MARCHF6: variants seen among roughly 807,000 people sequenced by gnomAD.
The protein encoded by MARCHF6 is E3 ubiquitin-protein ligase MARCHF6.
Under a neutral mutation model 133.7 loss-of-function variants are expected in MARCHF6, and 31 were observed. The ratio of observed to expected loss-of-function variants is 0.23; its 90% CI spans 0.17 to 0.31. The LOEUF (loss-of-function observed/expected upper bound fraction) is 0.31, where lower values mean the gene tolerates loss of function less well. Among genes scored for constraint, MARCHF6 ranks in the 10% least tolerant of loss-of-function variants. The probability of loss-of-function intolerance (pLI) is 1.00; values close to 1 mark genes in which losing one functional copy is unlikely to be tolerated. For synonymous variants in MARCHF6, 395 were observed against 402.5 expected (o/e 0.98, Z 0.22); for missense variants, 723 against 1,121.6 (o/e 0.64, Z 5.08).
intron 1 of MARCHF6, among the ~76,000 whole-genome samples, chr5:10,375,420 C>T (rs891210249): frequency 2.6e-5 from 4 of 152,264 alleles, no homozygotes; most frequent in African/African-American, 4.8e-5. Context: ...ACCTGCAGCC[C>T]GCCATGCCTG....
chr5:10,403,292 T>G (rs1738658217), intron 14 of MARCHF6, 115 bp from the exon 15 acceptor site: 5 of 967,884 alleles, frequency 5.2e-6, no homozygotes, highest in Non-Finnish European at 7.7e-6. Flanking sequence ...TGAACTGCAG[T>G]TCTAGGAATT....
At chr5:10,376,579 G>C (rs1425365069) in intron 1 of MARCHF6, among the ~76,000 whole-genome samples, 7 of 152,154 alleles carry the variant, frequency 4.6e-5, no homozygotes, top group African/African-American at 7.2e-5. Context: ...CCAGTTAGGT[G>C]AGCATTCGGC....
intron 7 of MARCHF6, 41 bp from the exon 8 acceptor site, chr5:10,394,041 T>A: frequency 8.3e-7 from 1 of 1,209,652 alleles, no homozygotes. Context: ...TATTTATTAT[T>A]TTTACTTCAA....
At chr5:10,387,118 T>C (rs1360540768) in intron 5 of MARCHF6, 52 bp downstream of exon 5, 26 of 1,313,362 alleles carry the variant, frequency 2.0e-5, no homozygotes, top group African/African-American at 2.9e-5. Flanking sequence ...TGATGCTTGC[T>C]TTTTTCCTTG....
intron 15 of MARCHF6, among the ~76,000 whole-genome samples, chr5:10,404,110 C>G (rs191141286): frequency 6.6e-6 from 1 of 151,388 alleles, no homozygotes; most frequent in Non-Finnish European, 1.5e-5. Flanking sequence ...GAGTCTTGCT[C>G]TGTTGCCCAG....
chr5:10,381,688 AAATT>A (rs1157471751), intron 3 of MARCHF6, 108 bp from the exon 4 acceptor site: 24 of 819,046 alleles, frequency 2.9e-5, no homozygotes, highest in Non-Finnish European at 3.8e-5. Flanking sequence ...AATAGGAAAA[AAATT>A]AAGCACAAGG....
chr5:10,378,903 T>A (rs1436446935), intron 3 of MARCHF6, 71 bp downstream of exon 3: 1 of 962,960 alleles, frequency 1.0e-6, no homozygotes, highest in East Asian at 2.5e-5. Flanking sequence ...TTTGATATGA[T>A]CAGTTGACAG....
intron 19 of MARCHF6, chr5:10,413,267 C>A (rs1244266532): frequency 6.6e-6 from 1 of 152,246 alleles, no homozygotes; most frequent in Non-Finnish European, 1.5e-5. Context: ...TCTCTCGCCT[C>A]TCCGCAGACA....
At chr5:10,420,368 G>A (rs1242136374) in intron 22 of MARCHF6, among the ~76,000 whole-genome samples, 2 of 152,038 alleles carry the variant, frequency 1.3e-5, no homozygotes, top group African/African-American at 2.4e-5. Context: ...TGTGAAAGTG[G>A]TTATTTGAAT....
In MARCHF6 at chr5:10,435,334, CAAG is replaced by C. The variant is rs1740555014; in HGVS notation, c.*1651_*1653del. On this transcript the variant is annotated 3_prime_UTR_variant, in exon 26 of 26. Transcript: ENST00000274140. ...GGCTCCGGCCGGTTGTCCTGGCACA[CAAG>C]GAGGCGAGGCTATGCGTTCGAGGCC... 6.8e-6 allele frequency: 1 copy of C among 147,290 alleles called. No individual in the cohort carries two copies. The highest frequency in any genetic ancestry group is 1.5e-5 in the Non-Finnish European group (1 of 66,994). The allele number at this position is 147,290 out of a possible 1,614,324, so 9.1% of individuals were successfully genotyped here.
chr5:10,419,512 G>A (rs62364289), intron 22 of MARCHF6, among the ~76,000 whole-genome samples: 4,354 of 152,016 alleles, frequency 0.029, 81 homozygotes, highest in Non-Finnish European at 0.043. Context: ...TAACATCATT[G>A]TAAGTTGAGG....
chr5:10,358,421 G>C (rs572376116), intron 1 of MARCHF6, among the ~76,000 whole-genome samples: 1 of 152,220 alleles, frequency 6.6e-6, no homozygotes, highest in East Asian at 1.9e-4. Context: ...TGTGGGTTTC[G>C]CATCTGTGGA....
intron 1 of MARCHF6, among the ~76,000 whole-genome samples, chr5:10,374,721 C>T (rs1389505019): frequency 6.6e-6 from 1 of 152,164 alleles, no homozygotes; most frequent in Admixed American, 6.5e-5. Context: ...TGTGTAGTTA[C>T]GAACATAAAT....
chr5:10,383,809 G>A (rs1479948219), intron 4 of MARCHF6, among the ~76,000 whole-genome samples: 6 of 152,222 alleles, frequency 3.9e-5, no homozygotes, highest in Non-Finnish European at 1.5e-5. Context: ...TTGGGTAACA[G>A]CCTGGAACTA....
chr5:10,427,161 A>C (rs980812949), intron 24 of MARCHF6, among the ~76,000 whole-genome samples: 1 of 152,170 alleles, frequency 6.6e-6, no homozygotes, highest in Non-Finnish European at 1.5e-5. Context: ...CTGGTCTCCA[A>C]GTGTCCCATT....
chr5:10,388,960 T>C (rs1737644516), intron 5 of MARCHF6, among the ~76,000 whole-genome samples: 1 of 152,366 alleles, frequency 6.6e-6, no homozygotes, highest in Middle Eastern at 3.4e-3. Flanking sequence ...TTTAGTAGCC[T>C]GGAGAGTTCC....
At chr5:10,382,445 C>A (rs1410709022) in intron 4 of MARCHF6, among the ~76,000 whole-genome samples, 1 of 141,144 alleles carries the variant, frequency 7.1e-6, no homozygotes, top group African/African-American at 2.7e-5. Flanking sequence ...CCAGCTTGGG[C>A]AACAGAGCAA....
intron 11 of MARCHF6, chr5:10,401,309 A>T (rs771998241): frequency 1.9e-5 from 3 of 155,884 alleles, no homozygotes; most frequent in African/African-American, 4.8e-5. Context: ...TTTTGGAAGG[A>T]TTATTACTTC....
chr5:10,401,045 C>T (rs1738500937), intron 11 of MARCHF6: 2 of 509,016 alleles, frequency 3.9e-6, no homozygotes, highest in Admixed American at 6.6e-5. Flanking sequence ...TGAAAATGTG[C>T]TCTGAAATCC....
Sources: allele counts gnomAD v4.1 joint callset (sites outside exome capture counted in the v4.1 genomes callset), GRCh38; gene constraint gnomAD v4.1.1; transcripts MANE v1.5; gene names NCBI Gene and HGNC (gene_info 2026-07-23, HGNC 2026-07-21).